Variants in RSRC2 observed in about 807,000 individuals in gnomAD.
RSRC2 encodes the protein arginine and serine rich coiled-coil 2.
RSRC2 carries 5 observed loss-of-function variants against 61.3 expected under a neutral mutation model. The observed-to-expected ratio is 0.08, with a 90% CI of 0.04 to 0.17. The LOEUF (loss-of-function observed/expected upper bound fraction) is 0.17, where lower values mean the gene tolerates loss of function less well. Among genes scored for constraint, RSRC2 ranks in the 10% least tolerant of loss-of-function variants. The pLI is 1.00. For synonymous variants in RSRC2, 202 were observed against 166.5 expected, an observed-to-expected ratio of 1.21 and a Z score of -1.64; for missense variants, 381 against 518.8, an observed-to-expected ratio of 0.73 and a Z score of 2.58.
intron 7 of RSRC2, among the ~76,000 whole-genome samples, chr12:122,508,894 T>C (rs1958294306): frequency 6.6e-6 from 1 of 151,828 alleles, no homozygotes; most frequent in African/African-American, 2.4e-5. Flanking sequence ...AGGCGAAGGT[T>C]GCAGTGAGTC....
At chr12:122,517,518 C>G in intron 4 of RSRC2, 88 bp from the exon 5 acceptor site, 1 of 1,477,662 alleles carries the variant, frequency 6.8e-7, no homozygotes, top group Non-Finnish European at 9.3e-7. Context: ...TGTAGTAACG[C>G]AATAAAGACA....
intron 2 of RSRC2, 84 bp downstream of exon 2, chr12:122,522,059 C>G (rs938478443): frequency 2.9e-6 from 4 of 1,386,652 alleles, no homozygotes; most frequent in Non-Finnish European, 3.9e-6. Flanking sequence ...AGCCAACAAA[C>G]TAAATGTATG....
chr12:122,506,203 T>G (rs1255332531), intron 9 of RSRC2, among the ~76,000 whole-genome samples: 6 of 151,852 alleles, frequency 4.0e-5, no homozygotes, highest in Admixed American at 6.6e-5. Context: ...CTGGCCAACA[T>G]GGTGAAACCC....
chr12:122,519,267 T>C (rs1271541669), intron 3 of RSRC2: 1 of 447,264 alleles, frequency 2.2e-6, no homozygotes, highest in Non-Finnish European at 4.0e-6. Context: ...ACAGAAACAA[T>C]GATTTTTAAA....
At chr12:122,507,826 C>T in intron 8 of RSRC2, 1 of 220,670 alleles carries the variant, frequency 4.5e-6, no homozygotes, top group Non-Finnish European at 9.3e-6. Flanking sequence ...GCTGGGATTA[C>T]AGGTGCCCAC....
intron 2 of RSRC2, among the ~76,000 whole-genome samples, 175 bp downstream of exon 2, chr12:122,521,968 G>C: frequency 6.6e-6 from 1 of 152,180 alleles, no homozygotes; most frequent in South Asian, 2.1e-4. Flanking sequence ...GTCAATTTTT[G>C]TATTTTTGGT....
At chr12:122,514,871 T>G in intron 6 of RSRC2, 1 of 682,788 alleles carries the variant, frequency 1.5e-6, no homozygotes, top group East Asian at 4.0e-5. Flanking sequence ...TTGAGAAAAA[T>G]GAAATCAGTT....
rs1418918355 is a variant in RSRC2, at chr12:122,503,864, C to G, written c.*1663G>C. ...TGGGAGCCCTGAGGTGGGAGGATTG[C>G]TTGAGGCCAGGAATTCAAGACCAAC... On this transcript the variant is annotated 3_prime_UTR_variant, in exon 10 of 10. Coordinates refer to ENST00000331738, the MANE Select transcript of RSRC2 (RefSeq NM_023012.6). 3 of 152,156 alleles carry G rather than the reference C, an allele frequency of 2.0e-5. No individual in the cohort carries two copies. Among genetic ancestry groups the G allele is most frequent in the Admixed American group, 2.0e-4 (3 of 15,266 alleles). The allele number at this position is 152,156 out of a possible 1,614,324, so 9.4% of individuals were successfully genotyped here.
At chr12:122,508,151 A>G (rs774758415) in intron 8 of RSRC2, 67 bp downstream of exon 8, 4 of 1,404,726 alleles carry the variant, frequency 2.8e-6, no homozygotes, top group African/African-American at 1.4e-5. Context: ...TTTTCAACCC[A>G]AATTTGTTTT....
At chr12:122,506,974 G>C in intron 8 of RSRC2, 51 bp from the exon 9 acceptor site, 1 of 1,036,638 alleles carries the variant, frequency 9.6e-7, no homozygotes. Flanking sequence ...ATATTTTTTA[G>C]GACATGAAAT....
chr12:122,511,153 T>C lies in RSRC2; in HGVS notation c.761A>G (p.Glu254Gly). 2 of 1,608,448 alleles carry C rather than the reference T, an allele frequency of 1.2e-6. No homozygotes were observed. The highest frequency in any genetic ancestry group is 1.7e-6 in the Non-Finnish European group (2 of 1,179,482). The change falls in exon 7 of 10, where the codon GAA becomes GGA. Residue 254 changes from glutamate (E) to glycine (G), a missense_variant. Coordinates refer to ENST00000331738, the MANE Select transcript of RSRC2 (RefSeq NM_023012.6). ...TTTTTGTTTTTCAACCATTTCCTTT[T>C]CTCGCTGTTCTTGTAATTTCTTTGC... is the stretch of plus-strand genomic sequence containing the variant. ...ERAKKLQEQR[E>G]KEMVEKQKQQ...
intron 1 of RSRC2, among the ~76,000 whole-genome samples, chr12:122,525,970 C>T (rs1254030373): frequency 1.9e-5 from 1 of 53,376 alleles, no homozygotes; most frequent in Admixed American, 1.5e-4. Flanking sequence ...TACAGGCGTC[C>T]GCCACTACGC....
chr12:122,515,076 G>A (rs1176326009), intron 6 of RSRC2, 29 bp downstream of exon 6: 9 of 1,601,706 alleles, frequency 5.6e-6, no homozygotes, highest in African/African-American at 1.3e-5. Context: ...AAGGCGAACT[G>A]GAACAAATGA....
rs767570892 is a variant in RSRC2 at position 122,517,251 on chromosome 12, C to T, written c.578G>A (p.Arg193Lys). Residue 193 changes from arginine to lysine, a missense_variant, in exon 5 of 10, where the codon AGG (arginine) becomes AAG (lysine). Physicochemically the swap from Arg to Lys is conservative, Grantham distance 26. Transcript: ENST00000331738. ...CCGACTCCTACTCCTTGTCCTACTCCTGCTTCTAGTCCTATGCCTGTGTCT... is the reference window on the plus strand; with the variant it reads ...CCGACTCCTACTCCTTGTCCTACTCTTGCTTCTAGTCCTATGCCTGTGTCT... ...RSRHRHRTRSRSRTRSRSRDR... is the reference protein window; with the variant it reads ...RSRHRHRTRSKSRTRSRSRDR... The T allele has an allele frequency of 8.1e-6, 13 of 1,614,050 alleles. No individual in the cohort carries two copies. Among genetic ancestry groups the T allele is most frequent in the African/African-American group, 6.7e-5 (5 of 74,908 alleles).
At chr12:122,508,833 G>A (rs1446659816) in intron 7 of RSRC2, among the ~76,000 whole-genome samples, 2 of 151,884 alleles carry the variant, frequency 1.3e-5, no homozygotes, top group African/African-American at 2.4e-5. Flanking sequence ...GTACATGCCC[G>A]TAATCTCAGC....
At chr12:122,515,010 G>C (rs1003993875) in intron 6 of RSRC2, 95 bp downstream of exon 6, 1 of 1,340,248 alleles carries the variant, frequency 7.5e-7, no homozygotes, top group Non-Finnish European at 1.0e-6. Context: ...TAAAGTATGT[G>C]AATCATTCTC....
At position 122,505,387 on chromosome 12, in the gene RSRC2, T is replaced by C; in HGVS notation, c.*140A>G. On this transcript the variant is annotated 3_prime_UTR_variant, in exon 10 of 10. Coordinates refer to ENST00000331738, the MANE Select transcript of RSRC2 (RefSeq NM_023012.6). ...TAACACCAGTATCACTGATCTGATA[T>C]TTACAAAAATTTGTATTTTTCAATA... The C allele has an allele frequency of 1.4e-6, 1 of 723,532 alleles. No homozygotes were observed. Among genetic ancestry groups the C allele is most frequent in the Non-Finnish European group, 2.2e-6 (1 of 452,590 alleles). 44.8% of individuals were successfully genotyped at this position (723,532 alleles called of 1,614,324 possible).
At chr12:122,512,505 A>G (rs1958602899) in intron 6 of RSRC2, among the ~76,000 whole-genome samples, 1 of 152,158 alleles carries the variant, frequency 6.6e-6, no homozygotes, top group African/African-American at 2.4e-5. Flanking sequence ...AGGTGGGTGG[A>G]TCACCTGAGG....
rs548929406 is a variant in RSRC2, at chr12:122,504,896, T to C, written c.*631A>G. 3 of 152,756 alleles carry C rather than the reference T, an allele frequency of 2.0e-5. No homozygotes were observed. The South Asian group carries it at 6.2e-4, about 32-fold the overall frequency. 9.5% of individuals were successfully genotyped at this position (152,756 alleles called of 1,614,324 possible). A position where few individuals can be genotyped will look rare whatever the true frequency, so the allele number is the denominator to read the frequency against. Reference sequence around the variant, plus strand: ...TTTCTCCTTCCACCTTTTACATTTTTGCTCACCACGGTATTGACTGTAGTA... The same window carrying C: ...TTTCTCCTTCCACCTTTTACATTTTCGCTCACCACGGTATTGACTGTAGTA... On this transcript the variant is annotated 3_prime_UTR_variant, in exon 10 of 10. Transcript: ENST00000331738.
Sources: gnomAD v4.1 joint callset for allele counts (sites outside exome capture counted in the v4.1 genomes callset) on GRCh38, gnomAD v4.1.1 for gene constraint, MANE v1.5 for transcripts, NCBI Gene and HGNC (gene_info 2026-07-23, HGNC 2026-07-21) for gene names.